The following CNOT7 variants were observed in gnomAD, a reference collection of about 807,000 sequenced individuals.
The protein encoded by CNOT7 is CCR4-NOT transcription complex subunit 7.
CNOT7 carries 4 observed loss-of-function variants against 37.1 expected under a neutral mutation model. The ratio of observed to expected loss-of-function variants is 0.11; its 90% confidence interval spans 0.05 to 0.25. The LOEUF (loss-of-function observed/expected upper bound fraction) is 0.25. Ranked by LOEUF, CNOT7 falls within the 10% of genes least tolerant of loss-of-function variation. The pLI is 1.00. For missense variants in CNOT7, 170 were observed against 336.2 expected (o/e 0.51, Z 3.87); for synonymous variants, 128 against 115.6 (o/e 1.11, Z -0.69).
chr8:17,234,946 G>C, intron 4 of CNOT7, 86 bp from the exon 5 acceptor site: 1 of 1,236,672 alleles, frequency 8.1e-7, no homozygotes, highest in African/African-American at 1.5e-5. Context: ...TCAAATTTAA[G>C]CAAGTCACAC....
intron 1 of CNOT7, chr8:17,245,887 A>T (rs536457793): frequency 6.6e-6 from 1 of 152,300 alleles, no homozygotes; most frequent in South Asian, 2.1e-4. Flanking sequence ...CTGGTCTATA[A>T]ACAGAGTTCC....
At chr8:17,243,809 A>G (rs936288319) in intron 2 of CNOT7, among the ~76,000 whole-genome samples, 1 of 152,228 alleles carries the variant, frequency 6.6e-6, no homozygotes, top group Non-Finnish European at 1.5e-5. Context: ...CCATTGGTTA[A>G]GAAAACAATT....
chr8:17,236,661 T>G (rs1018516198), intron 4 of CNOT7, among the ~76,000 whole-genome samples: 1 of 152,204 alleles, frequency 6.6e-6, no homozygotes, highest in Non-Finnish European at 1.5e-5. Context: ...CTTTGCTGTT[T>G]TGAGATAGTA....
At chr8:17,234,673 C>A in intron 5 of CNOT7, 43 bp downstream of exon 5, 2 of 1,607,418 alleles carry the variant, frequency 1.2e-6, no homozygotes, top group South Asian at 2.2e-5. Flanking sequence ...GTCACTTGGT[C>A]TGAACAGTGT....
chr8:17,230,932 C>G (rs1286836355), intron 6 of CNOT7, 84 bp from the exon 7 acceptor site: 2 of 974,138 alleles, frequency 2.1e-6, no homozygotes, highest in Non-Finnish European at 3.0e-6. Flanking sequence ...AATGTAAGTA[C>G]TGACTGTTCA....
chr8:17,226,161 T>C lies in CNOT7; in HGVS notation c.*4559A>G, dbSNP rs1016456373. On this transcript the variant is annotated 3_prime_UTR_variant, in exon 7 of 7. Coordinates refer to ENST00000361272, the MANE Select transcript of CNOT7 (RefSeq NM_013354.7). ...TTTCACCAAATTTTTATTCTAAAAA[T>C]TGAAAACTCAAAATATTGAGTACAA... 9.4e-5 allele frequency: 14 copies of C among 149,498 alleles called. No individual in the cohort carries two copies. The highest frequency in any genetic ancestry group is 8.7e-4 in the Admixed American group (13 of 14,866). The allele number at this position is 149,498 out of a possible 1,614,324, so 9.3% of individuals were successfully genotyped here.
At chr8:17,235,841 T>G (rs1809280317) in intron 4 of CNOT7, among the ~76,000 whole-genome samples, 1 of 152,222 alleles carries the variant, frequency 6.6e-6, no homozygotes, top group Non-Finnish European at 1.5e-5. Flanking sequence ...TTCAAATATA[T>G]CAGTCTAACT....
At chr8:17,239,454 C>A (rs1434956463) in intron 3 of CNOT7, among the ~76,000 whole-genome samples, 2 of 152,124 alleles carry the variant, frequency 1.3e-5, no homozygotes, top group Non-Finnish European at 2.9e-5. Flanking sequence ...CCCAAGGTGC[C>A]CTGTAATTTC....
At position 17,232,648 on chromosome 8, in the gene CNOT7, G is replaced by C. The variant is rs867268399; in HGVS notation, c.619-111C>G. On this transcript the variant is annotated intron_variant, in intron 5 of 6. Transcript: ENST00000361272. The stretch of plus-strand genomic sequence containing the variant: ...ATAAAAATAAACTTTAGTATGTAAA[G>C]GTGAATCTTATAAAGATTGGGGGGA... 2.1e-5 allele frequency: 18 copies of C among 863,724 alleles called. No homozygotes were observed. In the African/African-American group the frequency reaches 2.2e-4, roughly 11 times the overall value. 53.5% of individuals were successfully genotyped at this position (863,724 alleles called of 1,614,324 possible). A position where few individuals can be genotyped will look rare whatever the true frequency, so the allele number is the denominator to read the frequency against.
Position 17,230,798 on chromosome 8 carries a change from A to G in CNOT7, c.780T>C (p.Tyr260=), listed in dbSNP as rs1371657237. The G allele has an allele frequency of 6.2e-7, 1 of 1,610,098 alleles. No individual in the cohort carries two copies. The highest frequency in any genetic ancestry group is 8.5e-7 in the Non-Finnish European group (1 of 1,176,996). Reference sequence around the variant, plus strand: ...CATAGGATGAACCAGAACCAAGGCCATACAAATGACCACAATATTTGGCAT... The same window carrying G: ...CATAGGATGAACCAGAACCAAGGCCGTACAAATGACCACAATATTTGGCAT... The part of the protein sequence containing the change: ...IDDAKYCGHL[Y]GLGSGSSYVQ... Residue 260 remains tyrosine (Y), a synonymous_variant, in exon 7 of 7, where the codon TAT becomes TAC. Coordinates refer to ENST00000361272, the MANE Select transcript of CNOT7 (RefSeq NM_013354.7).
In CNOT7 at chr8:17,238,563, T is replaced by C. The variant is rs116383954; in HGVS notation, c.312-1190A>G. 5.4e-3 allele frequency among the ~76,000 whole-genome samples: 814 copies of C among 151,756 alleles called. 2 individuals are homozygous for C. The highest frequency in any genetic ancestry group is 0.019 in the African/African-American group (771 of 41,376). ...ACAGCTTTCCTATGCTAAAAATATG[T>C]ACCTCAAAAAATTAGAATCTCATTC... On this transcript the variant is annotated intron_variant, in intron 3 of 6. Coordinates refer to ENST00000361272, the MANE Select transcript of CNOT7 (RefSeq NM_013354.7).
At chr8:17,232,651 G>A (rs1808782368) in intron 5 of CNOT7, 114 bp from the exon 6 acceptor site, 3 of 838,136 alleles carry the variant, frequency 3.6e-6, no homozygotes, top group Non-Finnish European at 5.6e-6. Context: ...ATGTAAAGGT[G>A]AATCTTATAA....
At chr8:17,240,924 T>C (rs1489298999) in intron 3 of CNOT7, among the ~76,000 whole-genome samples, 1 of 152,210 alleles carries the variant, frequency 6.6e-6, no homozygotes, top group Non-Finnish European at 1.5e-5. Flanking sequence ...ACACATTAAA[T>C]AAACTAACTT....
chr8:17,231,783 C>A (rs767007772), intron 6 of CNOT7: 1 of 985,520 alleles, frequency 1.0e-6, no homozygotes, highest in Non-Finnish European at 1.2e-6. Context: ...CCATCCCTAA[C>A]ACTTTATACT....
chr8:17,239,500 G>C (rs910337797), intron 3 of CNOT7, among the ~76,000 whole-genome samples: 1 of 152,112 alleles, frequency 6.6e-6, no homozygotes, highest in Non-Finnish European at 1.5e-5. Context: ...CACCAAAAGT[G>C]ATTTTTCTTT....
rs982518512 is a variant in CNOT7, at chr8:17,225,545, C to T, written c.*5175G>A. The T allele has an allele frequency of 5.3e-5, 8 of 151,678 alleles. No individual in the cohort carries two copies. Among genetic ancestry groups the T allele is most frequent in the South Asian group, 2.1e-4 (1 of 4,828 alleles). The allele number at this position is 151,678 out of a possible 1,614,324, so 9.4% of individuals were successfully genotyped here. A position where few individuals can be genotyped will look rare whatever the true frequency, so the allele number is the denominator to read the frequency against. ...TACTAAACGTTAAATGTAACTAATG[C>T]TGTAGAAAACTGTTTAAAACAAATG... On this transcript the variant is annotated 3_prime_UTR_variant, in exon 7 of 7. Transcript: ENST00000361272.
chr8:17,227,314 C>A lies in CNOT7; in HGVS notation c.*3406G>T, dbSNP rs1808225726. The A allele has an allele frequency of 6.6e-6, 1 of 151,856 alleles. No individual in the cohort carries two copies. The highest frequency in any genetic ancestry group is 1.9e-4 in the East Asian group (1 of 5,188). 9.4% of individuals were successfully genotyped at this position (151,856 alleles called of 1,614,324 possible). A position where few individuals can be genotyped will look rare whatever the true frequency, so the allele number is the denominator to read the frequency against. On this transcript the variant is annotated 3_prime_UTR_variant, in exon 7 of 7. Coordinates refer to ENST00000361272, the MANE Select transcript of CNOT7 (RefSeq NM_013354.7). ...AAATATTCCCACTTGTAGTTCCATA[C>A]AAATTCTTCGATCACTTCAAATCCA...
intron 2 of CNOT7, chr8:17,244,803 A>G (rs1355966020): frequency 2.3e-6 from 1 of 436,654 alleles, no homozygotes; most frequent in African/African-American, 2.0e-5. Flanking sequence ...CAAACGGCCC[A>G]TGGTTCCCAT....
At chr8:17,243,543 G>C (rs1810479173) in intron 2 of CNOT7, 1 of 470,756 alleles carries the variant, frequency 2.1e-6, no homozygotes, top group Non-Finnish European at 4.2e-6. Flanking sequence ...GTTTCTTGAA[G>C]AACTGGTTCA....
Sources: gnomAD v4.1 joint callset for allele counts (sites outside exome capture counted in the v4.1 genomes callset) on GRCh38, gnomAD v4.1.1 for gene constraint, MANE v1.5 for transcripts, NCBI Gene and HGNC (gene_info 2026-07-23, HGNC 2026-07-21) for gene names.